UVRAG: variants seen among roughly 807,000 people sequenced by gnomAD.
UVRAG encodes the protein UV radiation resistance-associated gene protein.
A neutral mutation model predicts 78.0 loss-of-function variants in UVRAG; 19 were observed. The observed-to-expected ratio is 0.24, with a 90% CI of 0.17 to 0.36. The LOEUF (loss-of-function observed/expected upper bound fraction) is 0.36, where lower values mean the gene tolerates loss of function less well. UVRAG is among the 10% of genes least tolerant of loss of function. The pLI, the probability that UVRAG is intolerant of heterozygous loss-of-function variation, is 1.00. For synonymous variants in UVRAG, 323 were observed against 324.6 expected (o/e 1.00, Z 0.05); for missense variants, 740 against 853.8 (o/e 0.87, Z 1.66).
Position 76,141,227 on chromosome 11 carries a change from G to A in UVRAG, c.1914G>A (p.Leu638=), listed in dbSNP as rs778042615. 4 of 1,614,168 alleles carry A rather than the reference G, an allele frequency of 2.5e-6. No individual in the cohort carries two copies. The highest frequency in any genetic ancestry group is 3.4e-6 in the Non-Finnish European group (4 of 1,180,026). Residue 638 remains leucine (L), a synonymous_variant, in exon 15 of 15, where the codon CTG becomes CTA. Coordinates refer to ENST00000356136, the MANE Select transcript of UVRAG (RefSeq NM_003369.4). ...TVEQAEEIIG[L]EATGFASGDQ... ...AGCAAGCAGAAGAAATCATCGGGCT[G>A]GAAGCCACAGGTTTCGCCTCAGGTG... is the stretch of plus-strand genomic sequence containing the variant.
At position 76,101,474 on chromosome 11, in the gene UVRAG, T is replaced by C. The variant is rs147599601; in HGVS notation, c.1306-14450T>C. On this transcript the variant is annotated intron_variant, in intron 13 of 14. Coordinates refer to ENST00000356136, the MANE Select transcript of UVRAG (RefSeq NM_003369.4). ...CGTTTGTTTTTCTCTTGCAAATTTGTTTAAGTTCCTTATCAGATGCATACT... is the reference window on the plus strand; with the variant it reads ...CGTTTGTTTTTCTCTTGCAAATTTGCTTAAGTTCCTTATCAGATGCATACT... 1.2e-3 allele frequency among the ~76,000 whole-genome samples: 177 copies of C among 152,272 alleles called. 1 individual carries two copies. The highest frequency in any genetic ancestry group is 4.1e-3 in the African/African-American group (170 of 41,576).
chr11:76,115,855 T>G (rs1455370824), intron 13 of UVRAG, 69 bp from the exon 14 acceptor site: 1 of 1,380,848 alleles, frequency 7.2e-7, no homozygotes, highest in Non-Finnish European at 1.0e-6. Flanking sequence ...ATAACTTGTT[T>G]AGTGGTTCAT....
intron 6 of UVRAG, among the ~76,000 whole-genome samples, chr11:75,919,080 A>G (rs894180104): frequency 6.6e-6 from 1 of 152,218 alleles, no homozygotes; most frequent in Admixed American, 6.5e-5. Context: ...TAAAATTCCA[A>G]TTTTAACAGG....
chr11:75,983,799 A>C lies in UVRAG; in HGVS notation c.826+286A>C, dbSNP rs79648481. Reference sequence around the variant, plus strand: ...ATACTGAATACTGTAGGCAACTATAACACAATGGTGAGTATTTATGTATCT... The same window carrying C: ...ATACTGAATACTGTAGGCAACTATACCACAATGGTGAGTATTTATGTATCT... On this transcript the variant is annotated intron_variant, in intron 8 of 14. Coordinates refer to ENST00000356136, the MANE Select transcript of UVRAG (RefSeq NM_003369.4). 166 of 262,564 alleles carry C rather than the reference A, an allele frequency of 6.3e-4. No individual in the cohort carries two copies. In the East Asian group the frequency reaches 0.011, roughly 18 times the overall value. 16.3% of individuals were successfully genotyped at this position (262,564 alleles called of 1,614,324 possible). A position where few individuals can be genotyped will look rare whatever the true frequency, so the allele number is the denominator to read the frequency against.
intron 12 of UVRAG, among the ~76,000 whole-genome samples, chr11:76,029,371 A>G (rs1317090544): frequency 6.6e-6 from 1 of 152,148 alleles, no homozygotes; most frequent in Non-Finnish European, 1.5e-5. Flanking sequence ...ACATTTCATC[A>G]CATTTCATAA....
chr11:75,862,206 T>C (rs1946435961), intron 3 of UVRAG, among the ~76,000 whole-genome samples: 1 of 152,254 alleles, frequency 6.6e-6, no homozygotes, highest in Admixed American at 6.5e-5. Context: ...TAAATAAGTT[T>C]CTGATTATTT....
chr11:76,018,820 GTCT>G (rs1382171656), intron 12 of UVRAG, among the ~76,000 whole-genome samples: 5 of 152,144 alleles, frequency 3.3e-5, no homozygotes, highest in Admixed American at 2.6e-4. Flanking sequence ...CTTTAAGGTA[GTCT>G]TCTTTGAGTT....
rs537606601 is a variant in UVRAG at position 75,916,433 on chromosome 11, A to G, written c.593+4394A>G. On this transcript the variant is annotated intron_variant, in intron 6 of 14. Coordinates refer to ENST00000356136, the MANE Select transcript of UVRAG (RefSeq NM_003369.4). Reference sequence around the variant, plus strand: ...AATGTTAGTTTTCTTCTTCCTCTTTACTTACCTGGTCTTGGATATAGCTTT... The same window carrying G: ...AATGTTAGTTTTCTTCTTCCTCTTTGCTTACCTGGTCTTGGATATAGCTTT... 5 of 152,304 alleles carry G rather than the reference A, an allele frequency of 3.3e-5. No individual in the cohort carries two copies. The East Asian group carries it at 9.6e-4, about 29-fold the overall frequency. The allele number at this position is 152,304 out of a possible 1,614,324, so 9.4% of individuals were successfully genotyped here. A position where few individuals can be genotyped will look rare whatever the true frequency, so the allele number is the denominator to read the frequency against.
At chr11:75,885,892 TG>T (rs1565363386) in intron 4 of UVRAG, among the ~76,000 whole-genome samples, 1 of 152,132 alleles carries the variant, frequency 6.6e-6, no homozygotes, top group African/African-American at 2.4e-5. Context: ...TTTTAATCAA[TG>T]TTTTTTACAT....
At chr11:76,055,632 T>G (rs1327878194) in intron 12 of UVRAG, among the ~76,000 whole-genome samples, 2 of 152,244 alleles carry the variant, frequency 1.3e-5, no homozygotes, top group Non-Finnish European at 2.9e-5. Context: ...TGCTTCATCA[T>G]GCATATGATT....
At chr11:76,135,823 C>T (rs1952589218) in intron 14 of UVRAG, among the ~76,000 whole-genome samples, 1 of 152,142 alleles carries the variant, frequency 6.6e-6, no homozygotes, top group Admixed American at 6.5e-5. Context: ...CACGGGGCCC[C>T]TTGGTGGGAG....
At chr11:75,955,176 A>G (rs918652607) in intron 6 of UVRAG, among the ~76,000 whole-genome samples, 4 of 152,150 alleles carry the variant, frequency 2.6e-5, no homozygotes, top group African/African-American at 9.7e-5. Context: ...TTAAGAGAGT[A>G]TTACTGTCAA....
At chr11:75,826,768 A>G (rs950019739) in intron 1 of UVRAG, among the ~76,000 whole-genome samples, 1 of 151,324 alleles carries the variant, frequency 6.6e-6, no homozygotes, top group Non-Finnish European at 1.5e-5. Flanking sequence ...TGAAAGAGTA[A>G]CCATCTGGTT....
chr11:75,838,439 T>C (rs764007346), intron 1 of UVRAG, among the ~76,000 whole-genome samples: 96 of 151,984 alleles, frequency 6.3e-4, no homozygotes, highest in Non-Finnish European at 1.1e-3. Flanking sequence ...CTGGGCTCAA[T>C]CGATCCTCCC....
At chr11:75,918,896 C>G (rs1947917289) in intron 6 of UVRAG, among the ~76,000 whole-genome samples, 1 of 152,136 alleles carries the variant, frequency 6.6e-6, no homozygotes, top group African/African-American at 2.4e-5. Flanking sequence ...GGTCTGTGAG[C>G]CTTCAGCTGT....
chr11:75,952,303 C>T (rs1366455055), intron 6 of UVRAG, among the ~76,000 whole-genome samples: 3 of 151,978 alleles, frequency 2.0e-5, no homozygotes, highest in African/African-American at 7.3e-5. Context: ...TGGTTTGGAC[C>T]TTGAGTATAT....
chr11:75,847,643 T>C (rs1946063650), intron 1 of UVRAG, among the ~76,000 whole-genome samples: 1 of 152,140 alleles, frequency 6.6e-6, no homozygotes, highest in Non-Finnish European at 1.5e-5. Flanking sequence ...ACTTACTGCC[T>C]TTTACCAAGA....
intron 5 of UVRAG, among the ~76,000 whole-genome samples, chr11:75,898,712 A>G (rs1947411183): frequency 6.6e-6 from 1 of 152,188 alleles, no homozygotes; most frequent in East Asian, 1.9e-4. Flanking sequence ...CACTGTGATT[A>G]TATACTGTTA....
chr11:75,828,731 GTATATATATATATATACACACACATATA>G (rs1945579170), intron 1 of UVRAG, among the ~76,000 whole-genome samples: 1 of 110,820 alleles, frequency 9.0e-6, no homozygotes, highest in African/African-American at 3.7e-5. Flanking sequence ...ATGTGTGTGT[GTATATATATATATATACACACACATATA>G]TATATATATA....
Sources: allele counts gnomAD v4.1 joint callset (sites outside exome capture counted in the v4.1 genomes callset), GRCh38; gene constraint gnomAD v4.1.1; transcripts MANE v1.5; gene names NCBI Gene and HGNC (gene_info 2026-07-23, HGNC 2026-07-21).